Variants in BANK1 observed in about 807,000 individuals in gnomAD.
BANK1 encodes B cell scaffold protein with ankyrin repeats 1.
In BANK1, 95 loss-of-function variants were observed where a neutral mutation model predicts 94.5. The ratio of observed to expected loss-of-function variants is 1.00; its 90% CI spans 0.85 to 1.19. The LOEUF (loss-of-function observed/expected upper bound fraction) is 1.19. Among genes scored for constraint, BANK1 ranks in the 50% most tolerant of loss-of-function variants. BANK1 has a pLI of 0.00. For missense variants in BANK1, 987 were observed against 932.2 expected, an observed-to-expected ratio of 1.06 and a Z score of -0.77; for synonymous variants, 334 against 308.4, an observed-to-expected ratio of 1.08 and a Z score of -0.87.
intron 5 of BANK1, among the ~76,000 whole-genome samples, chr4:101,890,655 A>G (rs1263313112): frequency 2.0e-5 from 3 of 149,330 alleles, no homozygotes; most frequent in Non-Finnish European, 4.5e-5. Context: ...GAGAACATAT[A>G]GTTAAATCAT....
intron 7 of BANK1, among the ~76,000 whole-genome samples, chr4:101,955,237 G>A (rs530281607): frequency 6.6e-6 from 1 of 152,212 alleles, no homozygotes; most frequent in Admixed American, 6.5e-5. Context: ...GTTAACATGG[G>A]AATATATATC....
chr4:101,914,842 G>A (rs1214223023), intron 6 of BANK1, among the ~76,000 whole-genome samples: 1 of 152,080 alleles, frequency 6.6e-6, no homozygotes, highest in Non-Finnish European at 1.5e-5. Flanking sequence ...CACTGTACTT[G>A]GGGGCCATTT....
intron 3 of BANK1, among the ~76,000 whole-genome samples, chr4:101,861,946 A>G (rs1727892652): frequency 6.6e-6 from 1 of 152,116 alleles, no homozygotes; most frequent in Admixed American, 6.5e-5. Flanking sequence ...TTAGATTTAT[A>G]ACCTTTAGTC....
chr4:101,925,451 G>A (rs1283466379), intron 7 of BANK1, among the ~76,000 whole-genome samples: 1 of 151,612 alleles, frequency 6.6e-6, no homozygotes, highest in African/African-American at 2.4e-5. Flanking sequence ...TATGCTCATT[G>A]CATTAAAATT....
intron 7 of BANK1, among the ~76,000 whole-genome samples, chr4:101,964,567 C>T (rs1300618544): frequency 6.6e-6 from 1 of 151,784 alleles, no homozygotes; most frequent in Non-Finnish European, 1.5e-5. Context: ...TAGCATGTAC[C>T]TTTAAGTTCA....
At chr4:101,984,598 A>G (rs1725424877) in intron 7 of BANK1, among the ~76,000 whole-genome samples, 1 of 152,124 alleles carries the variant, frequency 6.6e-6, no homozygotes, top group African/African-American at 2.4e-5. Flanking sequence ...GTGTTATGGA[A>G]TAACAGTAAT....
At chr4:101,831,475 T>C (rs1726617669) in intron 2 of BANK1, among the ~76,000 whole-genome samples, 1 of 152,074 alleles carries the variant, frequency 6.6e-6, no homozygotes, top group Non-Finnish European at 1.5e-5. Flanking sequence ...GGTTTTTTTG[T>C]TTGTTTTGTT....
At chr4:102,017,297 C>G (rs1330127609) in intron 7 of BANK1, among the ~76,000 whole-genome samples, 1 of 152,132 alleles carries the variant, frequency 6.6e-6, no homozygotes, top group Non-Finnish European at 1.5e-5. Context: ...GTGCTGACAC[C>G]TCACAGATAC....
intron 1 of BANK1, among the ~76,000 whole-genome samples, chr4:101,810,645 A>T (rs1242936829): frequency 6.6e-6 from 1 of 152,158 alleles, no homozygotes; most frequent in Non-Finnish European, 1.5e-5. Flanking sequence ...ATTATTGTTT[A>T]TTTACAATCA....
chr4:102,054,256 CA>C (rs2148960920), intron 11 of BANK1, among the ~76,000 whole-genome samples: 1 of 152,122 alleles, frequency 6.6e-6, no homozygotes, highest in Admixed American at 6.5e-5. Context: ...CTCTGAAGGC[CA>C]AACTTGTAAT....
intron 6 of BANK1, among the ~76,000 whole-genome samples, chr4:101,901,032 C>T (rs1722265896): frequency 6.6e-6 from 1 of 152,050 alleles, no homozygotes; most frequent in African/African-American, 2.4e-5. Flanking sequence ...AATTATCAAC[C>T]ATGTCATGTC....
chr4:101,977,968 TTTGTTTGTTTTTTGA>T (rs1267637901), intron 7 of BANK1, among the ~76,000 whole-genome samples: 1 of 151,944 alleles, frequency 6.6e-6, no homozygotes, highest in Non-Finnish European at 1.5e-5. Flanking sequence ...TGTTTGTTTG[TTTGTTTGTTTTTTGA>T]GACGGAGTCT....
chr4:102,049,051 T>C (rs1280738102), intron 11 of BANK1, among the ~76,000 whole-genome samples: 1 of 152,176 alleles, frequency 6.6e-6, no homozygotes, highest in Non-Finnish European at 1.5e-5. Context: ...CATTTGCCAG[T>C]GTGTTTGGAA....
intron 2 of BANK1, among the ~76,000 whole-genome samples, chr4:101,845,847 C>T (rs1207343772): frequency 6.6e-6 from 1 of 152,010 alleles, no homozygotes; most frequent in Admixed American, 6.5e-5. Flanking sequence ...GAGATTTGGG[C>T]CATAGGGTTT....
Position 101,829,891 on chromosome 4 carries a change from G to T in BANK1, c.154G>T (p.Val52Leu), listed in dbSNP as rs1726538244. The change falls in exon 2 of 17, where the codon GTG becomes TTG. Residue 52 changes from valine (V) to leucine (L), a missense_variant. By Grantham distance (32) the Val-to-Leu change is conservative. Transcript: ENST00000322953. ...LYLTEVFLHVVKREAILLYRL... is the reference protein window; with the variant it reads ...LYLTEVFLHVLKREAILLYRL... Reference sequence around the variant, plus strand: ...CTTGACAGAAGTATTTTTACATGTTGTGAAAAGGGAAGCCATCCTGTTATA... The same window carrying T: ...CTTGACAGAAGTATTTTTACATGTTTTGAAAAGGGAAGCCATCCTGTTATA... 6.2e-7 allele frequency: 1 copy of T among 1,613,398 alleles called. No individual in the cohort carries two copies. The highest frequency in any genetic ancestry group is 1.3e-5 in the African/African-American group (1 of 74,870).
intron 7 of BANK1, among the ~76,000 whole-genome samples, chr4:101,968,621 A>G (rs1724844110): frequency 6.6e-6 from 1 of 152,026 alleles, no homozygotes; most frequent in Admixed American, 6.6e-5. Context: ...CTCTGCTCCC[A>G]GAGAACGAAA....
At chr4:101,908,536 A>C (rs561953284) in intron 6 of BANK1, among the ~76,000 whole-genome samples, 1 of 152,366 alleles carries the variant, frequency 6.6e-6, no homozygotes, top group East Asian at 1.9e-4. Flanking sequence ...CAATGGCAAC[A>C]AAAGCCAAAA....
chr4:101,870,483 AC>A (rs769977667), intron 4 of BANK1, 21 bp from the exon 5 acceptor site: 1 of 1,605,266 alleles, frequency 6.2e-7, no homozygotes, highest in African/African-American at 1.3e-5. Flanking sequence ...TCTGCCCCTA[AC>A]CCTTGTTTGT....
chr4:101,848,934 A>G (rs1351623056), intron 2 of BANK1, among the ~76,000 whole-genome samples: 1 of 152,078 alleles, frequency 6.6e-6, no homozygotes, highest in Non-Finnish European at 1.5e-5. Flanking sequence ...TCACTCCCCA[A>G]GTTCTAGCTG....
Sources: gnomAD v4.1 joint callset for allele counts (sites outside exome capture counted in the v4.1 genomes callset) on GRCh38, gnomAD v4.1.1 for gene constraint, MANE v1.5 for transcripts, NCBI Gene and HGNC (gene_info 2026-07-23, HGNC 2026-07-21) for gene names.